The following CEP44 variants were observed in gnomAD, a reference collection of about 807,000 sequenced individuals.
CEP44 encodes centrosomal protein of 44 kDa.
In CEP44, 45 loss-of-function variants were observed where a neutral mutation model predicts 46.7. The observed-to-expected ratio is 0.96, with a 90% CI of 0.76 to 1.24. The LOEUF (loss-of-function observed/expected upper bound fraction) is 1.24, where lower values mean the gene tolerates loss of function less well. Ranked by LOEUF, CEP44 falls within the 50% of genes most tolerant of loss-of-function variation. CEP44 has a pLI of 0.00. For missense variants in CEP44, 475 were observed against 459.7 expected, an observed-to-expected ratio of 1.03 and a Z score of -0.30; for synonymous variants, 142 against 146.0, an observed-to-expected ratio of 0.97 and a Z score of 0.20.
intron 9 of CEP44, 94 bp from the exon 10 acceptor site, chr4:174,316,072 A>G (rs932854226): frequency 6.4e-5 from 93 of 1,442,880 alleles, no homozygotes; most frequent in Non-Finnish European, 8.2e-5. Context: ...TTTAATTAAA[A>G]TAGTATGTTT....
Position 174,301,917 on chromosome 4 carries a change from A to G in CEP44, c.90-122A>G, listed in dbSNP as rs1739759035. ...AAGTCTCATGTATCACCTAATTATT[A>G]TAGCTATAGTGTTAAGTTTTAAATT... On this transcript the variant is annotated intron_variant, in intron 3 of 11. Transcript: ENST00000503780. This position sits in a 1 kb window ranked among gnomAD's most constrained non-coding sequence, Gnocchi z 4.3. 3 of 811,478 alleles carry G rather than the reference A, an allele frequency of 3.7e-6. No individual in the cohort carries two copies. Among genetic ancestry groups the G allele is most frequent in the South Asian group, 2.1e-5 (1 of 46,706 alleles). The allele number at this position is 811,478 out of a possible 1,614,324, so 50.3% of individuals were successfully genotyped here.
At chr4:174,308,666 C>A (rs1265883741) in intron 6 of CEP44, 23 bp from the exon 7 acceptor site, 1 of 1,573,112 alleles carries the variant, frequency 6.4e-7, no homozygotes, top group Non-Finnish European at 8.6e-7. Context: ...TGAAGTGTTT[C>A]TTACATATTT....
At chr4:174,330,553 T>A (rs1007530165) in intron 8 of CEP44, among the ~76,000 whole-genome samples, 1 of 152,140 alleles carries the variant, frequency 6.6e-6, no homozygotes, top group African/African-American at 2.4e-5. Flanking sequence ...ATCATGAATA[T>A]TTTCCATATC....
rs1731220205 is a variant in CEP44, at chr4:174,329,824, G to A, written c.1087-1658G>A. On this transcript the variant is annotated intron_variant, in intron 8 of 8. Transcript: ENST00000426172. This position sits in a 1 kb window ranked among gnomAD's most constrained non-coding sequence, Gnocchi z 4.0. The stretch of plus-strand genomic sequence containing the variant: ...TAAAAATAGACTACTGAACTGTCTT[G>A]TTAAATTTTTAAAGATGAGTTTGGA... Among the ~76,000 whole-genome samples, 1 of 152,034 alleles carries A rather than the reference G, an allele frequency of 6.6e-6. No individual in the cohort carries two copies. Among genetic ancestry groups the A allele is most frequent in the South Asian group, 2.1e-4 (1 of 4,828 alleles).
Position 174,316,817 on chromosome 4 carries a change from G to A in CEP44, c.1124+250G>A, listed in dbSNP as rs145408710. On this transcript the variant is annotated intron_variant, in intron 11 of 11. Transcript: ENST00000503780. ...TTGTTAATGGAATTAACTGCAGAGAGAATACAAAGATATTTTTGGTTGGTA... is the reference window on the plus strand; with the variant it reads ...TTGTTAATGGAATTAACTGCAGAGAAAATACAAAGATATTTTTGGTTGGTA... 1,375 of 307,330 alleles carry A rather than the reference G, an allele frequency of 4.5e-3. 18 individuals are homozygous for A. Among genetic ancestry groups the A allele is most frequent in the African/African-American group, 0.014 (644 of 45,858 alleles). 19.0% of individuals were successfully genotyped at this position (307,330 alleles called of 1,614,324 possible).
intron 6 of CEP44, 117 bp from the exon 7 acceptor site, chr4:174,308,572 G>GCA: frequency 1.1e-6 from 1 of 903,856 alleles, no homozygotes; most frequent in Non-Finnish European, 1.7e-6. Context: ...AACCCCCATG[G>GCA]CACACATTTA....
At position 174,304,193 on chromosome 4, in the gene CEP44, A is replaced by ATAAT. The variant is rs542621198; in HGVS notation, c.385-51_385-48dup. On this transcript the variant is annotated intron_variant, in intron 5 of 11. Transcript: ENST00000503780. The stretch of plus-strand genomic sequence containing the variant: ...TTAAATGTTAATGGAATTTTAATAT[A>ATAAT]TAATTATGCTTTCACACAAAATTTG... The ATAAT allele has an allele frequency of 1.4e-4, 212 of 1,528,164 alleles. 2 individuals carry two copies. In the African/African-American group the frequency reaches 2.4e-3, roughly 17 times the overall value. 94.7% of individuals were successfully genotyped at this position (1,528,164 alleles called of 1,614,324 possible). A position where few individuals can be genotyped will look rare whatever the true frequency, so the allele number is the denominator to read the frequency against.
chr4:174,293,694 T>A (rs2126526264), intron 1 of CEP44, among the ~76,000 whole-genome samples: 1 of 152,364 alleles, frequency 6.6e-6, no homozygotes, highest in East Asian at 1.9e-4. Flanking sequence ...GGGGTTTTTT[T>A]TGTTAATTCT....
intron 2 of CEP44, among the ~76,000 whole-genome samples, chr4:174,298,467 G>A (rs972658251): frequency 1.5e-4 from 23 of 152,076 alleles, no homozygotes; most frequent in African/African-American, 2.9e-4. Flanking sequence ...GAGCCACCGC[G>A]CCCAGCCATG....
intron 1 of CEP44, among the ~76,000 whole-genome samples, chr4:174,295,739 A>T (rs1011904142): frequency 2.6e-5 from 4 of 152,234 alleles, no homozygotes; most frequent in Non-Finnish European, 4.4e-5. Flanking sequence ...CAATCCCGGC[A>T]CCTCGGGAGG....
downstream of CEP44, among the ~76,000 whole-genome samples, chr4:174,320,763 A>G (rs1172906302): frequency 1.4e-5 from 2 of 147,040 alleles, no homozygotes; most frequent in African/African-American, 5.0e-5. Flanking sequence ...CTTGTATCTT[A>G]TTTACTGAAC....
chr4:174,289,656 T>C (rs1348959144), intron 1 of CEP44, among the ~76,000 whole-genome samples: 1 of 152,094 alleles, frequency 6.6e-6, no homozygotes, highest in Non-Finnish European at 1.5e-5. Flanking sequence ...ATTTGTTGAT[T>C]TAGTTTGTCT....
rs1440441871 is a variant in CEP44 at position 174,325,513 on chromosome 4, A to G, written c.1087-5969A>G. On this transcript the variant is annotated intron_variant, in intron 8 of 8. Coordinates refer to the CEP44 transcript ENST00000426172. The surrounding 1 kb of genome is among the most constrained non-coding windows in gnomAD (Gnocchi z 4.4). ...TACAAAAATTTTTTTAAATTAGCCA[A>G]GCATAGTGGTATGCACCTGTAGTCC... 6.6e-6 allele frequency among the ~76,000 whole-genome samples: 1 copy of G among 151,850 alleles called. No individual in the cohort carries two copies.
chr4:174,306,911 C>G (rs1302652171), intron 6 of CEP44, among the ~76,000 whole-genome samples: 2 of 151,962 alleles, frequency 1.3e-5, no homozygotes, highest in Non-Finnish European at 2.9e-5. Flanking sequence ...ACAAGGGAGG[C>G]AAAAGATCTC....
At position 174,318,759 on chromosome 4, in the gene CEP44, A is replaced by T. The variant is rs1360952918; in HGVS notation, c.*1376A>T. 11 of 792,380 alleles carry T rather than the reference A, an allele frequency of 1.4e-5. No homozygotes were observed. Among genetic ancestry groups the T allele is most frequent in the Non-Finnish European group, 1.7e-5 (11 of 655,072 alleles). The allele number at this position is 792,380 out of a possible 1,614,324, so 49.1% of individuals were successfully genotyped here. A position where few individuals can be genotyped will look rare whatever the true frequency, so the allele number is the denominator to read the frequency against. Reference sequence around the variant, plus strand: ...AATTTTTTTTGTGTTTGTGAATTTGAAACAGTGTAAGAAATCACTTTTAAG... The same window carrying T: ...AATTTTTTTTGTGTTTGTGAATTTGTAACAGTGTAAGAAATCACTTTTAAG... On this transcript the variant is annotated 3_prime_UTR_variant, in exon 12 of 12. Coordinates refer to ENST00000503780, the MANE Select transcript of CEP44 (RefSeq NM_001040157.3).
In CEP44 at chr4:174,314,801, G is replaced by T. The variant is rs1304979326; in HGVS notation, c.962-1365G>T. Among the ~76,000 whole-genome samples, 1 of 152,092 alleles carries T rather than the reference G, an allele frequency of 6.6e-6. No homozygotes were observed. Among genetic ancestry groups the T allele is most frequent in the Non-Finnish European group, 1.5e-5 (1 of 68,006 alleles). On this transcript the variant is annotated intron_variant, in intron 9 of 11. Transcript: ENST00000503780. The surrounding 1 kb of genome is among the most constrained non-coding windows in gnomAD (Gnocchi z 4.1). The stretch of plus-strand genomic sequence containing the variant: ...CCATAGCTCCTACTAAAAGATCTGG[G>T]TTTAGGTAGTCTTCAGAATTACACC...
At chr4:174,295,385 C>T (rs909515336) in intron 1 of CEP44, among the ~76,000 whole-genome samples, 14 of 144,794 alleles carry the variant, frequency 9.7e-5, no homozygotes, top group East Asian at 4.2e-4. Flanking sequence ...ACATCTTAGA[C>T]GATGGGCGGC....
chr4:174,316,659 A>C (rs1036664019), intron 11 of CEP44, 92 bp downstream of exon 11: 3 of 1,165,786 alleles, frequency 2.6e-6, no homozygotes, highest in African/African-American at 3.2e-5. Flanking sequence ...TGTGTTTCAA[A>C]CCTTAAAGGT....
At position 174,319,880 on chromosome 4, in the gene CEP44, G is replaced by A. The variant is rs893141896; in HGVS notation, c.*2497G>A. On this transcript the variant is annotated 3_prime_UTR_variant, in exon 12 of 12. Transcript: ENST00000503780. ...TTATTTTAAAAAGTTTTCTTGTTTA[G>A]GCAATTTGGTAAGTGGTTTCTAGTT... 2.0e-5 allele frequency: 20 copies of A among 985,152 alleles called. No homozygotes were observed. The highest frequency in any genetic ancestry group is 2.3e-5 in the Non-Finnish European group (19 of 829,820). 61.0% of individuals were successfully genotyped at this position (985,152 alleles called of 1,614,324 possible).
Sources: gnomAD v4.1 joint callset for allele counts (sites outside exome capture counted in the v4.1 genomes callset) on GRCh38, gnomAD v4.1.1 for gene constraint, Gnocchi (gnomAD v3.1) non-coding constraint, MANE v1.5 for transcripts, NCBI Gene and HGNC (gene_info 2026-07-23, HGNC 2026-07-21) for gene names.